Variants in C22orf31 observed in about 807,000 individuals in gnomAD.
The protein encoded by C22orf31 is chromosome 22 open reading frame 31.
C22orf31 carries 11 observed loss-of-function variants against 15.0 expected under a neutral mutation model. The observed-to-expected ratio is 0.73, with a 90% CI of 0.46 to 1.21. The LOEUF (loss-of-function observed/expected upper bound fraction) is 1.21, where lower values mean the gene tolerates loss of function less well. C22orf31 is among the 50% of genes most tolerant of loss of function. The probability of loss-of-function intolerance (pLI) is 0.00; values close to 1 mark genes in which losing one functional copy is unlikely to be tolerated. For synonymous variants in C22orf31, 132 were observed against 133.3 expected (o/e 0.99, Z 0.07); for missense variants, 340 against 347.2 (o/e 0.98, Z 0.17).
chr22:29,067,019 C>T, the C22orf31 span, among the ~76,000 whole-genome samples: 42 of 152,258 alleles, frequency 2.8e-4, no homozygotes, highest in East Asian at 6.6e-3. Context: ...CTTGAATTTC[C>T]CATGACTAGT....
intron 2 of C22orf31, among the ~76,000 whole-genome samples, chr22:29,059,447 T>C (rs1778115490): frequency 6.6e-6 from 1 of 152,190 alleles, no homozygotes; most frequent in African/African-American, 2.4e-5. Context: ...ATAACAGCTG[T>C]CATCTATTGA....
the C22orf31 span, among the ~76,000 whole-genome samples, chr22:29,070,326 T>C: frequency 6.6e-6 from 1 of 152,196 alleles, no homozygotes; most frequent in Admixed American, 6.5e-5. Flanking sequence ...ATATGGCTGG[T>C]CCTAAGCAGT....
At chr22:29,063,824 T>G (rs142358499), upstream of C22orf31, among the ~76,000 whole-genome samples, 1 of 152,316 alleles carries the variant, frequency 6.6e-6, no homozygotes, top group Non-Finnish European at 1.5e-5. Flanking sequence ...ATGCCTCAAG[T>G]AACCAACAAA....
At chr22:29,071,076 A>G in the C22orf31 span, among the ~76,000 whole-genome samples, 4 of 151,778 alleles carry the variant, frequency 2.6e-5, no homozygotes, top group Non-Finnish European at 5.9e-5. Flanking sequence ...AAGGGTTCTC[A>G]GGTCCGGTGG....
At chr22:29,068,412 C>CT in the C22orf31 span, among the ~76,000 whole-genome samples, 1,927 of 127,422 alleles carry the variant, frequency 0.015, 21 homozygotes, top group Non-Finnish European at 0.017. Context: ...CTTTAAATTT[C>CT]TTTTTTTTTT....
At chr22:29,068,973 A>C in the C22orf31 span, among the ~76,000 whole-genome samples, 7 of 151,820 alleles carry the variant, frequency 4.6e-5, no homozygotes, top group African/African-American at 1.7e-4. Context: ...TATGTTGGTC[A>C]GGCTGGTCTT....
Position 29,060,766 on chromosome 22 carries a change from A to C in C22orf31, c.81T>G (p.Leu27=). ...LRQSILLNTR[L]QDCYVDSPAL... ...CCGGTGAGTCCACATAGCAGTCCTG[A>C]AGCCTGGTATTTAATAAGATGGACT... is the stretch of plus-strand genomic sequence containing the variant. The change falls in exon 2 of 3, where the codon CTT becomes CTG. Residue 27 remains leucine (L), a synonymous_variant. Coordinates refer to ENST00000216071, the MANE Select transcript of C22orf31 (RefSeq NM_015370.2). 6.2e-7 allele frequency: 1 copy of C among 1,614,126 alleles called. No individual in the cohort carries two copies. Among genetic ancestry groups the C allele is most frequent in the Admixed American group, 1.7e-5 (1 of 60,028 alleles).
At chr22:29,071,087 A>G in the C22orf31 span, among the ~76,000 whole-genome samples, 1 of 151,682 alleles carries the variant, frequency 6.6e-6, no homozygotes, top group South Asian at 2.1e-4. Flanking sequence ...GGTCCGGTGG[A>G]GAAGGTGGGA....
the C22orf31 span, among the ~76,000 whole-genome samples, chr22:29,067,636 G>T: frequency 2.0e-5 from 3 of 151,942 alleles, no homozygotes; most frequent in Non-Finnish European, 4.4e-5. Context: ...CAGAACTGGG[G>T]TTTTGCCATA....
chr22:29,059,699 C>A, intron 2 of C22orf31: 1 of 984,640 alleles, frequency 1.0e-6, no homozygotes, highest in East Asian at 1.1e-4. Context: ...TCCAATCAGG[C>A]CTTCGTAGGC....
chr22:29,069,689 C>T, the C22orf31 span, among the ~76,000 whole-genome samples: 71,584 of 151,938 alleles, frequency 0.47, 17,634 homozygotes, highest in Middle Eastern at 0.61. Flanking sequence ...TATTTTTAGC[C>T]TCTTGTGCAC....
chr22:29,073,091 T>G, the C22orf31 span: 1 of 699,218 alleles, frequency 1.4e-6, no homozygotes, highest in Non-Finnish European at 1.8e-6. This position sits in a 1 kb window ranked among gnomAD's most constrained non-coding sequence, Gnocchi z 4.4. Context: ...GCTGCCCCCT[T>G]TACCCCGGGC....
upstream of C22orf31, among the ~76,000 whole-genome samples, chr22:29,064,981 G>T (rs190734788): frequency 1.3e-5 from 2 of 151,942 alleles, no homozygotes; most frequent in Admixed American, 1.3e-4. Flanking sequence ...AGCCTCCCGA[G>T]TAGCTGAGAT....
In C22orf31 at chr22:29,058,810, T is replaced by C; in HGVS notation, c.805A>G (p.Arg269Gly). Residue 269 changes from arginine to glycine, a missense_variant, in exon 3 of 3, where the codon AGG becomes GGG. Transcript: ENST00000216071. ...EGAQRDRFPG[R>G]KQPGVHEEPV... ...TCCTCGTGGACACCTGGCTGCTTCC[T>C]GCCAGGGAACCGGTCCCTCTGAGCA... 1.9e-6 allele frequency: 3 copies of C among 1,614,174 alleles called. No individual in the cohort carries two copies. The highest frequency in any genetic ancestry group is 2.5e-6 in the Non-Finnish European group (3 of 1,179,998).
upstream of C22orf31, among the ~76,000 whole-genome samples, chr22:29,066,453 T>C (rs2037429879): frequency 1.3e-5 from 2 of 151,674 alleles, no homozygotes; most frequent in African/African-American, 4.8e-5. Context: ...AATGGTGTCC[T>C]GTGTGCCTTC....
chr22:29,060,298 G>T, intron 2 of C22orf31, 117 bp downstream of exon 2: 1 of 986,026 alleles, frequency 1.0e-6, no homozygotes, highest in Non-Finnish European at 1.5e-6. Flanking sequence ...CTCCCAAAGT[G>T]CTGAGATTAT....
chr22:29,073,738 C>T, the C22orf31 span, among the ~76,000 whole-genome samples: 1 of 151,662 alleles, frequency 6.6e-6, no homozygotes, highest in Non-Finnish European at 1.5e-5. This position sits in a 1 kb window ranked among gnomAD's most constrained non-coding sequence, Gnocchi z 4.4. Flanking sequence ...CAGCGACTCC[C>T]CACGGGCCAG....
chr22:29,069,238 C>T, the C22orf31 span, among the ~76,000 whole-genome samples: 6 of 152,232 alleles, frequency 3.9e-5, no homozygotes, highest in South Asian at 6.2e-4. Context: ...GAAATGCAAC[C>T]GTAGACACCC....
At position 29,058,902 on chromosome 22, in the gene C22orf31, T is replaced by G; in HGVS notation, c.713A>C (p.Glu238Ala). Residue 238 changes from glutamate (E) to alanine (A), a missense_variant, in exon 3 of 3, where the codon GAG (glutamate) becomes GCG (alanine). Coordinates refer to ENST00000216071, the MANE Select transcript of C22orf31 (RefSeq NM_015370.2). Reference protein sequence around the residue: ...PSGTPKRYSLELGKAIKQKLW... With the variant: ...PSGTPKRYSLALGKAIKQKLW... ...CTTTTGTTTAATGGCCTTGCCCAGC[T>G]CCAGGCTGTACCTCTTGGGGGTCCC... 1 of 1,614,148 alleles carries G rather than the reference T, an allele frequency of 6.2e-7. No individual in the cohort carries two copies. The highest frequency in any genetic ancestry group is 1.3e-5 in the African/African-American group (1 of 75,034).
Sources: gnomAD v4.1 joint callset for allele counts (sites outside exome capture counted in the v4.1 genomes callset) on GRCh38, gnomAD v4.1.1 for gene constraint, Gnocchi (gnomAD v3.1) non-coding constraint, MANE v1.5 for transcripts, NCBI Gene and HGNC (gene_info 2026-07-23, HGNC 2026-07-21) for gene names.